Variants in NTRK3 observed in about 807,000 individuals in gnomAD.
NTRK3 encodes NT-3 growth factor receptor.
In NTRK3, 24 loss-of-function variants were observed where a neutral mutation model predicts 91.7. That is an observed-to-expected ratio of 0.26 (90% confidence interval 0.19 to 0.37). The LOEUF (loss-of-function observed/expected upper bound fraction) is 0.37, where lower values mean the gene tolerates loss of function less well. NTRK3 is among the 10% of genes least tolerant of loss of function. The pLI, the probability that NTRK3 is intolerant of heterozygous loss-of-function variation, is 1.00. For missense variants in NTRK3, 880 were observed against 1,068.9 expected, an observed-to-expected ratio of 0.82 and a Z score of 2.46; for synonymous variants, 483 against 404.0, an observed-to-expected ratio of 1.20 and a Z score of -2.34.
Position 88,243,217 on chromosome 15 carries a change from T to C in NTRK3, c.248+12689A>G, listed in dbSNP as rs539961191. The stretch of plus-strand genomic sequence containing the variant: ...GCCCTTGCCCCCTCCCCACTTCTTA[T>C]GTTATTTCCCTCTCTGTGTCTTATC... On this transcript the variant is annotated intron_variant, in intron 3 of 18. Transcript: ENST00000394480. This position sits in a 1 kb window ranked among gnomAD's most constrained non-coding sequence, Gnocchi z 4.8. Among the ~76,000 whole-genome samples the C allele has an allele frequency of 3.9e-5, 6 of 152,334 alleles. No individual in the cohort carries two copies. The highest frequency in any genetic ancestry group is 1.4e-4 in the African/African-American group (6 of 41,588).
At chr15:88,110,100 G>A (rs964148318) in intron 13 of NTRK3, among the ~76,000 whole-genome samples, 4 of 152,080 alleles carry the variant, frequency 2.6e-5, no homozygotes, top group African/African-American at 9.7e-5. Flanking sequence ...ACTGAGATTC[G>A]ACCTCAGCCT....
At chr15:88,036,361 T>C (rs952208448) in intron 13 of NTRK3, among the ~76,000 whole-genome samples, 1 of 151,972 alleles carries the variant, frequency 6.6e-6, no homozygotes, top group Non-Finnish European at 1.5e-5. Context: ...ACTATTGTTA[T>C]TCTACAGAGC....
At chr15:87,940,422 G>A (rs1567131616) in intron 15 of NTRK3, among the ~76,000 whole-genome samples, 1 of 152,194 alleles carries the variant, frequency 6.6e-6, no homozygotes, top group African/African-American at 2.4e-5. Flanking sequence ...GCCCCCTTAA[G>A]TGCTGCAGCC....
Position 88,241,242 on chromosome 15 carries a change from G to C in NTRK3, c.248+14664C>G, listed in dbSNP as rs1431422082. Reference sequence around the variant, plus strand: ...CCTCCTGGGCAGGTAAGAACATAGAGGGCAGTAGAGGGCAGCAGGGTGGGG... The same window carrying C: ...CCTCCTGGGCAGGTAAGAACATAGACGGCAGTAGAGGGCAGCAGGGTGGGG... On this transcript the variant is annotated intron_variant, in intron 3 of 18. Transcript: ENST00000394480. This position sits in a 1 kb window ranked among gnomAD's most constrained non-coding sequence, Gnocchi z 4.3. Among the ~76,000 whole-genome samples, 2 of 152,184 alleles carry C rather than the reference G, an allele frequency of 1.3e-5. No individual in the cohort carries two copies. Among genetic ancestry groups the C allele is most frequent in the African/African-American group, 4.8e-5 (2 of 41,440 alleles).
In NTRK3 at chr15:88,125,028, G is replaced by A. The variant is rs118029127; in HGVS notation, c.1396+1243C>T. 4.4e-4 allele frequency among the ~76,000 whole-genome samples: 67 copies of A among 152,250 alleles called. No individual in the cohort carries two copies. In the East Asian group the frequency reaches 9.5e-3, roughly 22 times the overall value. ...AGGGTCTTTCTTTGTTGCCCAGACC[G>A]GAATGCAGTGGTGTGATGACAGCTC... On this transcript the variant is annotated intron_variant, in intron 13 of 18. Transcript: ENST00000394480.
At chr15:87,928,850 T>G (rs749343535) in intron 17 of NTRK3, 3 of 478,720 alleles carry the variant, frequency 6.3e-6, no homozygotes, top group Non-Finnish European at 1.1e-5. Flanking sequence ...AAGTTGGGTG[T>G]GTCTGTGTGT....
In NTRK3 at chr15:88,240,644, C is replaced by T. The variant is rs2052259615; in HGVS notation, c.248+15262G>A. 6.6e-6 allele frequency among the ~76,000 whole-genome samples: 1 copy of T among 152,214 alleles called. No homozygotes were observed. Among genetic ancestry groups the T allele is most frequent in the Admixed American group, 6.5e-5 (1 of 15,286 alleles). Reference sequence around the variant, plus strand: ...CAGCTCTGCCACTTCCTAGCAGAACCACCTAGGGCAAGCTACTTAGCCACC... The same window carrying T: ...CAGCTCTGCCACTTCCTAGCAGAACTACCTAGGGCAAGCTACTTAGCCACC... On this transcript the variant is annotated intron_variant, in intron 3 of 18. Transcript: ENST00000394480. This position sits in a 1 kb window ranked among gnomAD's most constrained non-coding sequence, Gnocchi z 4.9.
At chr15:87,981,478 C>T (rs920733148) in intron 14 of NTRK3, 15 of 1,401,118 alleles carry the variant, frequency 1.1e-5, no homozygotes, top group Non-Finnish European at 1.2e-5. Flanking sequence ...CCAGGTTTCT[C>T]AGCTCCTGTA....
At chr15:88,084,238 G>A (rs895026203) in intron 13 of NTRK3, among the ~76,000 whole-genome samples, 1 of 152,000 alleles carries the variant, frequency 6.6e-6, no homozygotes, top group African/African-American at 2.4e-5. Context: ...CAACTAAAAG[G>A]ATGTCCCACT....
intron 14 of NTRK3, among the ~76,000 whole-genome samples, chr15:88,021,330 C>A (rs554587562): frequency 1.5e-4 from 23 of 152,334 alleles, no homozygotes; most frequent in Admixed American, 2.6e-4. Context: ...AGTGACCACA[C>A]CTGCTGGGGA....
intron 13 of NTRK3, among the ~76,000 whole-genome samples, chr15:88,036,189 T>G (rs1478673621): frequency 1.3e-5 from 2 of 152,030 alleles, no homozygotes; most frequent in Admixed American, 6.6e-5. Flanking sequence ...TATGTGCACA[T>G]ACACGCACAT....
At chr15:87,996,767 A>G (rs1408230232) in intron 14 of NTRK3, among the ~76,000 whole-genome samples, 1 of 152,244 alleles carries the variant, frequency 6.6e-6, no homozygotes, top group African/African-American at 2.4e-5. Flanking sequence ...AGGAGCTCTG[A>G]GTTCCAAGAA....
intron 13 of NTRK3, among the ~76,000 whole-genome samples, chr15:88,110,330 G>T (rs1262027693): frequency 1.3e-5 from 2 of 152,204 alleles, no homozygotes; most frequent in Non-Finnish European, 2.9e-5. Flanking sequence ...GCACCGTGGG[G>T]TAGGCAGAAG....
intron 17 of NTRK3, 50 bp from the exon 18 acceptor site, chr15:87,885,785 A>C: frequency 1.2e-6 from 1 of 847,614 alleles, no homozygotes; most frequent in Non-Finnish European, 1.6e-6. Context: ...AACTTAGAAA[A>C]GTATTCTTTA....
chr15:87,904,555 A>C (rs1410685067), intron 17 of NTRK3, among the ~76,000 whole-genome samples: 3 of 152,074 alleles, frequency 2.0e-5, no homozygotes, highest in Non-Finnish European at 2.9e-5. Flanking sequence ...TAAAGGATGC[A>C]TCTATGACCA....
At chr15:88,087,995 G>A (rs930717671) in intron 13 of NTRK3, among the ~76,000 whole-genome samples, 3 of 152,162 alleles carry the variant, frequency 2.0e-5, no homozygotes, top group Admixed American at 2.0e-4. Context: ...AGGCTGCAGT[G>A]AGCCAAGATC....
At chr15:88,110,369 T>A (rs189750445) in intron 13 of NTRK3, among the ~76,000 whole-genome samples, 5 of 152,308 alleles carry the variant, frequency 3.3e-5, no homozygotes, top group African/African-American at 1.2e-4. Flanking sequence ...AGCTGTTGGA[T>A]GGAGGAGAAC....
intron 3 of NTRK3, among the ~76,000 whole-genome samples, chr15:88,214,011 G>A (rs768281920): frequency 6.6e-6 from 1 of 152,052 alleles, no homozygotes; most frequent in African/African-American, 2.4e-5. Context: ...CCTGGGAGGT[G>A]GAGGTTGCAG....
At chr15:88,159,985 C>T (rs911370382) in intron 5 of NTRK3, among the ~76,000 whole-genome samples, 1 of 149,402 alleles carries the variant, frequency 6.7e-6, no homozygotes, top group African/African-American at 2.5e-5. Context: ...CACACACACA[C>T]ACACACACAT....
Sources: allele counts gnomAD v4.1 joint callset (sites outside exome capture counted in the v4.1 genomes callset), GRCh38; gene constraint gnomAD v4.1.1; non-coding constraint Gnocchi (gnomAD v3.1); transcripts MANE v1.5; gene names NCBI Gene and HGNC (gene_info 2026-07-23, HGNC 2026-07-21).